COL6A2: variants seen among roughly 807,000 people sequenced by gnomAD.
The protein encoded by COL6A2 is collagen alpha-2(VI) chain.
Under a neutral mutation model 124.9 loss-of-function variants are expected in COL6A2, and 90 were observed. That is an observed-to-expected ratio of 0.72 (90% confidence interval 0.61 to 0.86). COL6A2 has a LOEUF of 0.86. Among genes scored for constraint, COL6A2 ranks in the 40% least tolerant of loss-of-function variants. COL6A2 has a pLI of 0.00. For synonymous variants in COL6A2, 793 were observed against 618.2 expected (o/e 1.28, Z -4.19); for missense variants, 1,607 against 1,502.5 (o/e 1.07, Z -1.15).
intron 21 of COL6A2, 148 bp from the exon 22 acceptor site, chr21:46,124,503 A>C (rs1293026937): frequency 1.2e-5 from 8 of 684,916 alleles, no homozygotes; most frequent in Non-Finnish European, 1.3e-5. Context: ...GGGAAGGAGG[A>C]GGCACAGCCT....
chr21:46,119,332 T>C (rs566892448), intron 14 of COL6A2, among the ~76,000 whole-genome samples: 24 of 152,182 alleles, frequency 1.6e-4, no homozygotes, highest in African/African-American at 5.8e-4. Context: ...AGGTCCTCCA[T>C]GGTGTTCCCT....
chr21:46,129,354 C>T (rs749146220), intron 27 of COL6A2: 3 of 1,612,834 alleles, frequency 1.9e-6, no homozygotes, highest in South Asian at 1.1e-5. Context: ...GGTGGCCGTG[C>T]TGGTCTACAC....
At chr21:46,125,675 G>A (rs1042618366) in intron 25 of COL6A2, 58 bp downstream of exon 25, 52 of 1,590,422 alleles carry the variant, frequency 3.3e-5, no homozygotes, top group African/African-American at 1.7e-4. Flanking sequence ...CGTGGGAGGC[G>A]ATGAGATGGG....
chr21:46,114,196 G>A lies in COL6A2; in HGVS notation c.801+123G>A, dbSNP rs901564665. ...AATCCCAGCACTTTGGGAGGCCGAG[G>A]CGGGCGGATCACAACGTCAGGAGAT... On this transcript the variant is annotated intron_variant, in intron 5 of 27. Transcript: ENST00000300527. 6.3e-6 allele frequency: 5 copies of A among 790,222 alleles called. No homozygotes were observed. In the African/African-American group the frequency reaches 6.8e-5, roughly 11 times the overall value. The allele number at this position is 790,222 out of a possible 1,614,324, so 49.0% of individuals were successfully genotyped here. A position where few individuals can be genotyped will look rare whatever the true frequency, so the allele number is the denominator to read the frequency against.
chr21:46,116,850 TCA>T lies in COL6A2; in HGVS notation c.999+39_999+40del, dbSNP rs1440558018. The stretch of plus-strand genomic sequence containing the variant: ...CCTCGGGCTCACAGCTGGACTGGTC[TCA>T]CAGAGGCATCCCAGCCTCTGCAGGG... On this transcript the variant is annotated intron_variant, in intron 10 of 27. Transcript: ENST00000300527. The surrounding 1 kb of genome is among the most constrained non-coding windows in gnomAD (Gnocchi z 4.6). 1.2e-6 allele frequency: 2 copies of T among 1,611,554 alleles called. No individual in the cohort carries two copies.
chr21:46,127,982 G>A (rs2078699352), intron 27 of COL6A2, among the ~76,000 whole-genome samples: 1 of 152,210 alleles, frequency 6.6e-6, no homozygotes, highest in Non-Finnish European at 1.5e-5. Flanking sequence ...CGTGGGCCCT[G>A]ATTCGCTGAT....
In COL6A2 at chr21:46,126,250, G is replaced by A; in HGVS notation, c.2422+13G>A. 1 of 1,597,572 alleles carries A rather than the reference G, an allele frequency of 6.3e-7. No individual in the cohort carries two copies. The highest frequency in any genetic ancestry group is 8.5e-7 in the Non-Finnish European group (1 of 1,178,012). The stretch of plus-strand genomic sequence containing the variant: ...GTCCTCTGCCCGGGTGAGCGTGTGG[G>A]CGCGGGGCAGTCGGCCGAGGAGCAG... On this transcript the variant is annotated intron_variant, in intron 26 of 27. Transcript: ENST00000300527.
Position 46,132,526 on chromosome 21 carries a change from G to C in COL6A2, c.3034G>C (p.Asp1012His). ...CAGCCTGGCGCAACCCGGCTTCTTC[G>C]ACCGCTTCATCCGCTGGATCTGCTA... ...YDSLAQPGFF[D>H]RFIRWIC The change falls in exon 28 of 28, where the codon GAC becomes CAC. Residue 1012 changes from aspartate to histidine, a missense_variant. This residue lies in a region of COL6A2 where 1,223 missense variants were observed against 1,052.2 expected (regional missense o/e 1.16). Coordinates refer to ENST00000300527, the MANE Select transcript of COL6A2 (RefSeq NM_001849.4). The C allele has an allele frequency of 6.2e-7, 1 of 1,605,604 alleles. No homozygotes were observed. The highest frequency in any genetic ancestry group is 8.5e-7 in the Non-Finnish European group (1 of 1,179,294).
intron 12 of COL6A2, 56 bp from the exon 13 acceptor site, chr21:46,118,558 C>A: frequency 6.3e-7 from 1 of 1,575,248 alleles, no homozygotes; most frequent in Non-Finnish European, 8.7e-7. Flanking sequence ...AGCGGGCATC[C>A]TGCACCCCCC....
intron 21 of COL6A2, among the ~76,000 whole-genome samples, chr21:46,123,422 C>G (rs1207250671): frequency 6.6e-6 from 1 of 152,026 alleles, no homozygotes. Flanking sequence ...TGCTCTGTGC[C>G]TCCAAATCCC....
intron 27 of COL6A2, among the ~76,000 whole-genome samples, chr21:46,127,348 G>A (rs571605539): frequency 1.5e-4 from 23 of 152,252 alleles, no homozygotes; most frequent in Admixed American, 3.9e-4. Flanking sequence ...GGCGTTCCAT[G>A]GGGAGCTCCC....
chr21:46,116,115 C>G lies in COL6A2; in HGVS notation c.900+62C>G. The G allele has an allele frequency of 1.3e-6, 2 of 1,498,804 alleles. No individual in the cohort carries two copies. Among genetic ancestry groups the G allele is most frequent in the Non-Finnish European group, 1.8e-6 (2 of 1,100,424 alleles). 92.8% of individuals were successfully genotyped at this position (1,498,804 alleles called of 1,614,324 possible). ...AGGCCCCAGCACTGCCAGGCAGGCT[C>G]CCCCCAGCCCAGCCTCGGCCTCAGC... On this transcript the variant is annotated intron_variant, in intron 7 of 27. Transcript: ENST00000300527. The surrounding 1 kb of genome is among the most constrained non-coding windows in gnomAD (Gnocchi z 4.6).
intron 27 of COL6A2, chr21:46,129,309 G>A: frequency 3.1e-6 from 5 of 1,612,916 alleles, no homozygotes; most frequent in Non-Finnish European, 4.2e-6. Context: ...AAACGCCACG[G>A]AGCTCACGCA....
At chr21:46,124,302 T>C (rs1272868838) in intron 21 of COL6A2, among the ~76,000 whole-genome samples, 1 of 148,050 alleles carries the variant, frequency 6.8e-6, no homozygotes, top group African/African-American at 2.5e-5. Flanking sequence ...ATTGGGCGAA[T>C]GGGCGAATGG....
At chr21:46,115,949 G>C in intron 6 of COL6A2, 24 bp downstream of exon 6, 1 of 1,612,356 alleles carries the variant, frequency 6.2e-7, no homozygotes, top group East Asian at 2.2e-5. Flanking sequence ...CCCCACGCCC[G>C]CCCCGCCTGC....
In COL6A2 at chr21:46,132,067, G is replaced by A. The variant is rs370446082; in HGVS notation, c.2575G>A (p.Val859Met). Residue 859 changes from valine (V) to methionine (M), a missense_variant, in exon 28 of 28, where the codon GTG becomes ATG. By Grantham distance (21) the Val-to-Met change is conservative. Coordinates refer to ENST00000300527, the MANE Select transcript of COL6A2 (RefSeq NM_001849.4). ...FHKARRFVEQ[V>M]ARRLTLARRD... is the part of the protein sequence containing the mutation. ...CAAGGCCCGGCGCTTCGTGGAGCAG[G>A]TGGCGCGGCGGCTGACGCTGGCCCG... 243 of 1,604,828 alleles carry A rather than the reference G, an allele frequency of 1.5e-4. No homozygotes were observed. The highest frequency in any genetic ancestry group is 1.5e-3 in the Admixed American group (87 of 59,608).
At chr21:46,111,382 C>A in intron 1 of COL6A2, 68 bp from the exon 2 acceptor site, 1 of 888,272 alleles carries the variant, frequency 1.1e-6, no homozygotes. Flanking sequence ...GTGCGTGCGC[C>A]TGCCATGGGG....
At position 46,122,158 on chromosome 21, in the gene COL6A2, C is replaced by T. The variant is rs552356380; in HGVS notation, c.1572C>T (p.Pro524=). The T allele has an allele frequency of 7.4e-6, 12 of 1,612,512 alleles. No homozygotes were observed. In the East Asian group the frequency reaches 1.6e-4, roughly 21 times the overall value. Residue 524 remains proline (P), a splice_region_variant and synonymous_variant, in exon 19 of 28, where the codon CCC becomes CCT. Transcript: ENST00000300527. The part of the protein sequence containing the change: ...GFSYPGPRGA[P]GEKGEPGPRG... ...GCTACCCAGGACCCCGAGGAGCACC[C>T]GTGAGTCACAGCCTGGGATGGCAGC...
intron 23 of COL6A2, 33 bp downstream of exon 23, chr21:46,124,953 T>A (rs779630768): frequency 6.2e-7 from 1 of 1,612,256 alleles, no homozygotes; most frequent in Non-Finnish European, 8.5e-7. Flanking sequence ...CCAGTGTCCT[T>A]CTCCTGCCAA....
Sources: allele counts gnomAD v4.1 joint callset (sites outside exome capture counted in the v4.1 genomes callset), GRCh38; gene constraint gnomAD v4.1.1; regional missense constraint gnomAD v4.1.1; non-coding constraint Gnocchi (gnomAD v3.1); transcripts MANE v1.5; gene names NCBI Gene and HGNC (gene_info 2026-07-23, HGNC 2026-07-21).